Variants in SFMBT1 observed in about 807,000 individuals in gnomAD.
SFMBT1 encodes the protein scm-like with four MBT domains protein 1.
Under a neutral mutation model 108.7 loss-of-function variants are expected in SFMBT1, and 32 were observed. The ratio of observed to expected loss-of-function variants is 0.29; its 90% CI spans 0.22 to 0.40. The LOEUF is 0.40. Among genes scored for constraint, SFMBT1 ranks in the 10% least tolerant of loss-of-function variants. The pLI is 1.00. For synonymous variants in SFMBT1, 348 were observed against 369.5 expected (o/e 0.94, Z 0.67); for missense variants, 816 against 1,059.6 (o/e 0.77, Z 3.19).
intron 4 of SFMBT1, among the ~76,000 whole-genome samples, chr3:52,938,296 A>G (rs914739702): frequency 6.6e-6 from 1 of 152,164 alleles, no homozygotes; most frequent in South Asian, 2.1e-4. Flanking sequence ...TGATATTATT[A>G]ATATGCATGG....
At chr3:53,020,155 G>C (rs759135600) in intron 1 of SFMBT1, among the ~76,000 whole-genome samples, 2 of 151,934 alleles carry the variant, frequency 1.3e-5, no homozygotes, top group South Asian at 2.1e-4. Flanking sequence ...TTGGGAGGCC[G>C]AGGCAGGCGG....
chr3:52,957,131 C>T (rs113997485), intron 2 of SFMBT1, among the ~76,000 whole-genome samples: 2,029 of 152,224 alleles, frequency 0.013, 15 homozygotes, highest in Middle Eastern at 0.027. Flanking sequence ...AAAAATCTCA[C>T]GATACAAAAT....
At chr3:53,033,975 CAGG>C (rs1401774486) in intron 1 of SFMBT1, among the ~76,000 whole-genome samples, 1 of 145,628 alleles carries the variant, frequency 6.9e-6, no homozygotes, top group African/African-American at 2.5e-5. Flanking sequence ...GAGGCTGAGG[CAGG>C]AGAACTGCTT....
intron 1 of SFMBT1, among the ~76,000 whole-genome samples, chr3:53,041,323 T>G (rs1244915202): frequency 2.6e-5 from 4 of 152,164 alleles, no homozygotes; most frequent in Non-Finnish European, 5.9e-5. Context: ...ATTAATAATG[T>G]GTCAGTGTTC....
intron 11 of SFMBT1, 28 bp from the exon 12 acceptor site, chr3:52,920,678 CAA>C (rs1559510986): frequency 1.4e-6 from 2 of 1,387,754 alleles, no homozygotes; most frequent in Non-Finnish European, 2.0e-6. Flanking sequence ...AACAAACAAA[CAA>C]ACAAACAAAC....
At chr3:53,045,368 C>G (rs1371728332) in intron 1 of SFMBT1, 1 of 140,542 alleles carries the variant, frequency 7.1e-6, no homozygotes, top group Non-Finnish European at 1.6e-5. Context: ...GCGGGCGGAG[C>G]GCGGGGCGCG....
At chr3:52,941,855 C>T (rs549930941) in intron 4 of SFMBT1, among the ~76,000 whole-genome samples, 1 of 152,172 alleles carries the variant, frequency 6.6e-6, no homozygotes, top group Admixed American at 6.5e-5. Flanking sequence ...GCTAGGATCA[C>T]GCCACTGCAC....
At position 52,913,561 on chromosome 3, in the gene SFMBT1, A is replaced by G; in HGVS notation, c.1537T>C (p.Ser513Pro). 6.2e-7 allele frequency: 1 copy of G among 1,614,200 alleles called. No individual in the cohort carries two copies. Among genetic ancestry groups the G allele is most frequent in the Non-Finnish European group, 8.5e-7 (1 of 1,180,024 alleles). Residue 513 changes from serine to proline, a missense_variant, in exon 15 of 21, where the codon TCA becomes CCA. By Grantham distance (74) the Ser-to-Pro change is moderately conservative. This residue lies in a region of SFMBT1 where 16 missense variants were observed against 57.5 expected (regional missense o/e 0.28). Transcript: ENST00000394752. ...PKIYFNHRCF[S>P]GPYLNKGRIA... ...CTTCCTTTGTTAAGATATGGCCCTG[A>G]GAAGCAACGGTGGTTGAAGTATATC...
chr3:52,912,814 C>T (rs2106766503), intron 15 of SFMBT1, among the ~76,000 whole-genome samples, 167 bp from the exon 16 acceptor site: 2 of 152,258 alleles, frequency 1.3e-5, no homozygotes, highest in Middle Eastern at 3.4e-3. Flanking sequence ...ATTACAGCCA[C>T]CCAAAGGTGC....
chr3:53,007,683 AAATT>A (rs1698795103), intron 1 of SFMBT1, among the ~76,000 whole-genome samples: 2 of 152,260 alleles, frequency 1.3e-5, no homozygotes, highest in Non-Finnish European at 2.9e-5. Flanking sequence ...ATATTGATAT[AAATT>A]AATAAATCAA....
At chr3:53,033,637 G>A (rs60744886) in intron 1 of SFMBT1, among the ~76,000 whole-genome samples, 11,496 of 151,698 alleles carry the variant, frequency 0.076, 1,195 homozygotes, top group African/African-American at 0.22. Context: ...ACACACACAC[G>A]TATTTTATGA....
At chr3:52,963,994 T>C (rs773196749) in intron 2 of SFMBT1, among the ~76,000 whole-genome samples, 1 of 152,086 alleles carries the variant, frequency 6.6e-6, no homozygotes, top group Admixed American at 6.6e-5. Flanking sequence ...AGAAAAAACT[T>C]TGTAACCCTG....
At chr3:52,931,763 C>T (rs1345521678) in intron 6 of SFMBT1, among the ~76,000 whole-genome samples, 2 of 152,086 alleles carry the variant, frequency 1.3e-5, no homozygotes, top group Non-Finnish European at 2.9e-5. Flanking sequence ...TCGCTTGAAC[C>T]CGGGAGGCGG....
At chr3:53,036,836 G>C (rs1699884412) in intron 1 of SFMBT1, among the ~76,000 whole-genome samples, 1 of 152,200 alleles carries the variant, frequency 6.6e-6, no homozygotes, top group Admixed American at 6.5e-5. Context: ...AGAGGCACTG[G>C]CTGGAAGGCT....
chr3:52,955,260 A>G (rs112485977), intron 2 of SFMBT1, among the ~76,000 whole-genome samples: 1 of 152,186 alleles, frequency 6.6e-6, no homozygotes, highest in African/African-American at 2.4e-5. Context: ...TAAAAATAAA[A>G]AAATTAGCCA....
intron 1 of SFMBT1, among the ~76,000 whole-genome samples, chr3:53,022,759 G>A (rs1246796789): frequency 1.3e-5 from 2 of 152,236 alleles, no homozygotes; most frequent in East Asian, 3.9e-4. Flanking sequence ...GAGCGGGGTG[G>A]AGCGGGAAAT....
chr3:53,009,865 T>C lies in SFMBT1; in HGVS notation c.-131+35951A>G, dbSNP rs371271148. ...AAGAGAAAATATATTTACTATTCAC[T>C]AAGTGGAATGGATTATCATAAAGGT... On this transcript the variant is annotated intron_variant, in intron 1 of 20. Transcript: ENST00000394752. Among the ~76,000 whole-genome samples, 8 of 152,278 alleles carry C rather than the reference T, an allele frequency of 5.3e-5. 1 individual carries two copies. Among genetic ancestry groups the C allele is most frequent in the Admixed American group, 3.9e-4 (6 of 15,292 alleles).
At chr3:52,950,725 T>C (rs546775798) in intron 3 of SFMBT1, among the ~76,000 whole-genome samples, 2 of 150,592 alleles carry the variant, frequency 1.3e-5, no homozygotes, top group African/African-American at 2.4e-5. Context: ...CCACCCGCCA[T>C]GGCCTCCCAA....
At chr3:53,027,414 A>G (rs900013641) in intron 1 of SFMBT1, among the ~76,000 whole-genome samples, 19 of 152,228 alleles carry the variant, frequency 1.2e-4, no homozygotes, top group Middle Eastern at 3.4e-3. Context: ...AACTTACTCA[A>G]TTTTGCATTC....
Sources: gnomAD v4.1 joint callset for allele counts (sites outside exome capture counted in the v4.1 genomes callset) on GRCh38, gnomAD v4.1.1 for gene constraint, gnomAD v4.1.1 regional missense constraint, MANE v1.5 for transcripts, NCBI Gene and HGNC (gene_info 2026-07-23, HGNC 2026-07-21) for gene names.